The following PDE4D variants were observed in gnomAD, a reference collection of about 807,000 sequenced individuals.
PDE4D encodes the protein phosphodiesterase 4D, also known as 3',5'-cyclic-AMP phosphodiesterase 4D.
PDE4D carries 24 observed loss-of-function variants against 87.4 expected under a neutral mutation model. That is an observed-to-expected ratio of 0.27 (90% CI 0.20 to 0.39). The LOEUF (loss-of-function observed/expected upper bound fraction) is 0.39. Ranked by LOEUF, PDE4D falls within the 10% of genes least tolerant of loss-of-function variation. The pLI is 1.00. For synonymous variants in PDE4D, 384 were observed against 383.2 expected (o/e 1.00, Z -0.02); for missense variants, 714 against 1,041.0 (o/e 0.69, Z 4.32).
chr5:59,028,518 C>A (rs1434330700), intron 6 of PDE4D, among the ~76,000 whole-genome samples: 1 of 150,544 alleles, frequency 6.6e-6, no homozygotes, highest in African/African-American at 2.5e-5. Flanking sequence ...TCTTTTAATT[C>A]ATTAAATCAC....
At chr5:60,042,291 C>A (rs2152869078) in intron 2 of PDE4D, among the ~76,000 whole-genome samples, 1 of 152,210 alleles carries the variant, frequency 6.6e-6, no homozygotes, top group East Asian at 1.9e-4. Flanking sequence ...AAGGCAGCAG[C>A]CCCAGTCAGG....
intron 1 of PDE4D, among the ~76,000 whole-genome samples, chr5:59,453,779 T>C (rs1438721916): frequency 6.6e-6 from 1 of 152,264 alleles, no homozygotes; most frequent in Non-Finnish European, 1.5e-5. Flanking sequence ...CAGCAAGTGC[T>C]GATATCAAAG....
chr5:58,976,510 C>A, intron 12 of PDE4D, 38 bp from the exon 13 acceptor site: 1 of 1,421,560 alleles, frequency 7.0e-7, no homozygotes, highest in South Asian at 1.3e-5. Context: ...TCAGAGAAAA[C>A]AGAATTTACA....
At chr5:59,341,023 T>C (rs1778636750) in intron 1 of PDE4D, among the ~76,000 whole-genome samples, 1 of 152,228 alleles carries the variant, frequency 6.6e-6, no homozygotes, top group African/African-American at 2.4e-5. Context: ...ATGTAATCAT[T>C]ATGAAAATTA....
chr5:60,110,642 C>G (rs1201065667), intron 2 of PDE4D, among the ~76,000 whole-genome samples: 1 of 152,074 alleles, frequency 6.6e-6, no homozygotes, highest in Non-Finnish European at 1.5e-5. Context: ...GTAGCAATCC[C>G]ATTACTGGGT....
chr5:60,298,896 C>A (rs1753652238), intron 1 of PDE4D, among the ~76,000 whole-genome samples: 1 of 152,098 alleles, frequency 6.6e-6, no homozygotes, highest in Non-Finnish European at 1.5e-5. Context: ...TAAATTCAAA[C>A]ACAGTGCGAT....
At chr5:60,191,643 T>C (rs1785207135) in intron 1 of PDE4D, among the ~76,000 whole-genome samples, 2 of 152,156 alleles carry the variant, frequency 1.3e-5, no homozygotes, top group Admixed American at 6.6e-5. Context: ...AAACTAATAA[T>C]ACAGGGTTGA....
At chr5:59,761,059 C>T (rs1561611980) in intron 1 of PDE4D, among the ~76,000 whole-genome samples, 1 of 152,118 alleles carries the variant, frequency 6.6e-6, no homozygotes, top group Non-Finnish European at 1.5e-5. Context: ...GATGGTATAG[C>T]CTATTGCTCC....
At chr5:60,147,737 G>GA (rs1781136715) in intron 2 of PDE4D, 2 of 454,682 alleles carry the variant, frequency 4.4e-6, no homozygotes, top group Non-Finnish European at 8.8e-6. Context: ...AGCACTTCTC[G>GA]AGTCACTCAC....
rs1767446728 is a variant in PDE4D, at chr5:60,033,310, A to G, written c.43-44593T>C. Among the ~76,000 whole-genome samples the G allele has an allele frequency of 1.3e-5, 2 of 152,168 alleles. 1 individual carries two copies. Among genetic ancestry groups the G allele is most frequent in the South Asian group, 4.1e-4 (2 of 4,836 alleles). On this transcript the variant is annotated intron_variant, in intron 2 of 16. Transcript: ENST00000502484. ...AATTCATCTCCAGTGTCTGATAACT[A>G]CCTCATAAATGATCATGGTGTGAAG...
intron 5 of PDE4D, among the ~76,000 whole-genome samples, chr5:59,165,223 G>C (rs1442480425): frequency 6.6e-6 from 1 of 152,160 alleles, no homozygotes; most frequent in Non-Finnish European, 1.5e-5. Flanking sequence ...TAGTTAACCA[G>C]CAATGATCAA....
intron 1 of PDE4D, among the ~76,000 whole-genome samples, chr5:59,797,434 G>T (rs1231123928): frequency 6.6e-6 from 1 of 152,202 alleles, no homozygotes; most frequent in Non-Finnish European, 1.5e-5. Context: ...TTTCTGTAGA[G>T]TTATTTTGTT....
chr5:60,501,255 GT>G (rs1176968383), intron 1 of PDE4D, among the ~76,000 whole-genome samples: 1 of 152,006 alleles, frequency 6.6e-6, no homozygotes, highest in African/African-American at 2.4e-5. Context: ...GAGGTGTTTG[GT>G]TTTTTGTTCT....
intron 1 of PDE4D, among the ~76,000 whole-genome samples, chr5:59,440,447 A>G (rs1346139775): frequency 6.6e-6 from 1 of 152,220 alleles, no homozygotes; most frequent in Non-Finnish European, 1.5e-5. Flanking sequence ...TATCTATTGA[A>G]CATTTACTTG....
chr5:59,677,046 CTTTAAAAGGAAAAAAAGAG>C (rs1253408295), intron 1 of PDE4D, among the ~76,000 whole-genome samples: 1 of 151,232 alleles, frequency 6.6e-6, no homozygotes, highest in East Asian at 1.9e-4. Context: ...ATGTGGATGG[CTTTAAAAGGAAAAAAAGAG>C]AAAAAACAGC....
chr5:59,930,681 G>T (rs1160938431), intron 3 of PDE4D, among the ~76,000 whole-genome samples: 1 of 152,172 alleles, frequency 6.6e-6, no homozygotes, highest in Admixed American at 6.5e-5. Flanking sequence ...AGTGGTGTCT[G>T]TGCTAAGAAA....
intron 5 of PDE4D, among the ~76,000 whole-genome samples, chr5:59,128,636 G>A (rs1226892668): frequency 6.6e-6 from 1 of 152,184 alleles, no homozygotes; most frequent in Non-Finnish European, 1.5e-5. Flanking sequence ...AATGATACAT[G>A]TCTAGTTAGA....
At chr5:60,356,951 C>T (rs564144396) in intron 1 of PDE4D, among the ~76,000 whole-genome samples, 175 of 152,224 alleles carry the variant, frequency 1.1e-3, no homozygotes, top group Middle Eastern at 3.4e-3. Flanking sequence ...TGGACACTCA[C>T]GTCCATCAAC....
chr5:60,324,918 C>G (rs1247749248), intron 1 of PDE4D, among the ~76,000 whole-genome samples: 1 of 152,122 alleles, frequency 6.6e-6, no homozygotes. Flanking sequence ...CTAAAGAGAT[C>G]TTATTCAGAC....
Sources: allele counts gnomAD v4.1 joint callset (sites outside exome capture counted in the v4.1 genomes callset), GRCh38; gene constraint gnomAD v4.1.1; transcripts MANE v1.5; gene names NCBI Gene and HGNC (gene_info 2026-07-23, HGNC 2026-07-21).